The following KHDRBS2 variants were observed in gnomAD, a reference collection of about 807,000 sequenced individuals.
KHDRBS2 encodes the protein KH domain-containing, RNA-binding, signal transduction-associated protein 2.
A neutral mutation model predicts 44.3 loss-of-function variants in KHDRBS2; 26 were observed. The observed-to-expected ratio is 0.59, with a 90% CI of 0.43 to 0.81. The LOEUF is 0.81. Ranked by LOEUF, KHDRBS2 falls within the 40% of genes least tolerant of loss-of-function variation. KHDRBS2 has a pLI of 0.00. For synonymous variants in KHDRBS2, 194 were observed against 151.1 expected (o/e 1.28, Z -2.08); for missense variants, 476 against 433.1 (o/e 1.10, Z -0.88).
chr6:62,226,037 C>G (rs976490367), intron 1 of KHDRBS2, among the ~76,000 whole-genome samples: 2 of 152,062 alleles, frequency 1.3e-5, no homozygotes, highest in African/African-American at 4.8e-5. Flanking sequence ...ACTTATAATC[C>G]TTTGGGTATA....
At chr6:61,560,937 T>C in the KHDRBS2 span, among the ~76,000 whole-genome samples, 1 of 152,216 alleles carries the variant, frequency 6.6e-6, no homozygotes, top group East Asian at 1.9e-4. Flanking sequence ...CAATCTGAGC[T>C]TGTTTGTACC....
chr6:62,031,028 C>A lies in KHDRBS2; in HGVS notation c.336+16850G>T, dbSNP rs1293698094. ...AAAGCATTATGTTAAGTGAAAAAAG[C>A]ATAGACAAGTCAATACATGCCTACT... is the stretch of plus-strand genomic sequence containing the variant. On this transcript the variant is annotated intron_variant, in intron 3 of 8. Transcript: ENST00000281156. 2.0e-5 allele frequency among the ~76,000 whole-genome samples: 3 copies of A among 151,998 alleles called. No homozygotes were observed. The East Asian group carries it at 5.8e-4, about 29-fold the overall frequency.
chr6:61,713,430 T>C lies in KHDRBS2; in HGVS notation c.894-16177A>G, dbSNP rs187274274. ...TCTTTTCTGAGGTTCTCCAAAGATA[T>C]AAAGTGTGTTGTTATTAGTTTTCCA... On this transcript the variant is annotated intron_variant, in intron 7 of 8. Transcript: ENST00000281156. Among the ~76,000 whole-genome samples, 181 of 151,920 alleles carry C rather than the reference T, an allele frequency of 1.2e-3. 1 individual carries two copies. Among genetic ancestry groups the C allele is most frequent in the African/African-American group, 4.1e-3 (172 of 41,526 alleles).
chr6:62,224,294 A>G (rs1831390661), intron 1 of KHDRBS2, among the ~76,000 whole-genome samples: 1 of 152,156 alleles, frequency 6.6e-6, no homozygotes, highest in African/African-American at 2.4e-5. Context: ...CAAGAACAGT[A>G]TGGAGGAAAC....
rs146053379 is a variant in KHDRBS2 at position 61,960,019 on chromosome 6, G to A, written c.483+18047C>T. Among the ~76,000 whole-genome samples the A allele has an allele frequency of 2.4e-3, 360 of 152,184 alleles. 3 individuals carry two copies. Among genetic ancestry groups the A allele is most frequent in the African/African-American group, 8.1e-3 (336 of 41,536 alleles). On this transcript the variant is annotated intron_variant, in intron 4 of 8. Transcript: ENST00000281156. Reference sequence around the variant, plus strand: ...CATTTCATCACTATCAAGACTAGTCGATGAAATGTAAAGTTTAGAATTTGT... The same window carrying A: ...CATTTCATCACTATCAAGACTAGTCAATGAAATGTAAAGTTTAGAATTTGT...
intron 1 of KHDRBS2, among the ~76,000 whole-genome samples, chr6:62,221,626 A>T (rs114446990): frequency 1.3e-5 from 2 of 152,250 alleles, no homozygotes; most frequent in African/African-American, 4.8e-5. Flanking sequence ...AAACAATCGC[A>T]TTGGCTCACC....
chr6:61,604,726 G>T, the KHDRBS2 span, among the ~76,000 whole-genome samples: 1 of 152,256 alleles, frequency 6.6e-6, no homozygotes, highest in South Asian at 2.1e-4. Flanking sequence ...CCCAGGGCTG[G>T]CAAATTGACT....
intron 2 of KHDRBS2, among the ~76,000 whole-genome samples, chr6:62,152,607 C>T (rs1316521716): frequency 6.6e-6 from 1 of 152,120 alleles, no homozygotes; most frequent in Non-Finnish European, 1.5e-5. Context: ...TTAAAAGTTG[C>T]AGAAGTAGAA....
At chr6:62,220,360 G>A (rs980189489) in intron 1 of KHDRBS2, among the ~76,000 whole-genome samples, 1 of 151,884 alleles carries the variant, frequency 6.6e-6, no homozygotes, top group Non-Finnish European at 1.5e-5. Context: ...GTAGCTACAT[G>A]AGGAAACCTA....
chr6:61,710,796 CTTT>C (rs34892850), intron 7 of KHDRBS2, among the ~76,000 whole-genome samples: 2 of 116,432 alleles, frequency 1.7e-5, no homozygotes, highest in Admixed American at 9.4e-5. Flanking sequence ...TACCTGAGCT[CTTT>C]TTTTTTTTTT....
At chr6:61,821,034 T>A (rs189326044) in intron 6 of KHDRBS2, among the ~76,000 whole-genome samples, 23 of 152,180 alleles carry the variant, frequency 1.5e-4, no homozygotes, top group African/African-American at 5.5e-4. Context: ...AATGACTATG[T>A]AAGCTGAATG....
chr6:61,859,982 A>G (rs1796685657), intron 6 of KHDRBS2, among the ~76,000 whole-genome samples: 1 of 152,016 alleles, frequency 6.6e-6, no homozygotes, highest in African/African-American at 2.4e-5. Flanking sequence ...TTTGAGACAT[A>G]GAGAAGAGTG....
chr6:62,203,673 T>C (rs1014621896), intron 1 of KHDRBS2, among the ~76,000 whole-genome samples: 2 of 152,134 alleles, frequency 1.3e-5, no homozygotes, highest in African/African-American at 4.8e-5. Context: ...TAGCCATAGC[T>C]GAATCATAAA....
intron 6 of KHDRBS2, among the ~76,000 whole-genome samples, chr6:61,856,936 C>T (rs1796243751): frequency 6.6e-6 from 1 of 152,010 alleles, no homozygotes; most frequent in Non-Finnish European, 1.5e-5. Context: ...GTTTCTTTGT[C>T]CAGAAAATGA....
At chr6:61,778,670 G>A (rs904488071) in intron 6 of KHDRBS2, among the ~76,000 whole-genome samples, 10 of 152,132 alleles carry the variant, frequency 6.6e-5, no homozygotes, top group Admixed American at 2.0e-4. Context: ...CCACCGTGCC[G>A]CAAGTTGCTT....
chr6:61,721,254 C>T (rs141900361), intron 7 of KHDRBS2, among the ~76,000 whole-genome samples: 3,826 of 152,118 alleles, frequency 0.025, 74 homozygotes, highest in Middle Eastern at 0.082. Context: ...ATTGACTGGG[C>T]GACGCGGGCT....
At chr6:62,093,707 TG>T (rs1204235919) in intron 2 of KHDRBS2, among the ~76,000 whole-genome samples, 2 of 151,802 alleles carry the variant, frequency 1.3e-5, no homozygotes, top group Non-Finnish European at 2.9e-5. Flanking sequence ...GGAAAGACAA[TG>T]TTTTAGATTC....
intron 6 of KHDRBS2, among the ~76,000 whole-genome samples, chr6:61,852,298 T>TC (rs900832606): frequency 1.8e-4 from 27 of 150,512 alleles, no homozygotes; most frequent in African/African-American, 5.9e-4. Flanking sequence ...ATAAAGATTT[T>TC]TTCACGCCTG....
At chr6:61,575,446 T>C in the KHDRBS2 span, among the ~76,000 whole-genome samples, 7 of 152,220 alleles carry the variant, frequency 4.6e-5, no homozygotes, top group Admixed American at 2.6e-4. Context: ...AATTTAAAAA[T>C]CAAAAACTAA....
Sources: allele counts gnomAD v4.1 joint callset (sites outside exome capture counted in the v4.1 genomes callset), GRCh38; gene constraint gnomAD v4.1.1; transcripts MANE v1.5; gene names NCBI Gene and HGNC (gene_info 2026-07-23, HGNC 2026-07-21).